The following GAB2 variants were observed in gnomAD, a reference collection of about 807,000 sequenced individuals.
GAB2 encodes the protein GRB2-associated-binding protein 2.
Under a neutral mutation model 65.5 loss-of-function variants are expected in GAB2, and 26 were observed. The ratio of observed to expected loss-of-function variants is 0.40; its 90% CI spans 0.29 to 0.55. GAB2 has a LOEUF of 0.55. Among genes scored for constraint, GAB2 ranks in the 20% least tolerant of loss-of-function variants. The pLI, the probability that GAB2 is intolerant of heterozygous loss-of-function variation, is 0.53. For missense variants in GAB2, 884 were observed against 875.8 expected, an observed-to-expected ratio of 1.01 and a Z score of -0.12; for synonymous variants, 321 against 329.6, an observed-to-expected ratio of 0.97 and a Z score of 0.28.
intron 1 of GAB2, among the ~76,000 whole-genome samples, chr11:78,360,087 G>A (rs575251619): frequency 1.3e-5 from 2 of 152,284 alleles, no homozygotes; most frequent in South Asian, 4.1e-4. Context: ...AGATTGGAGT[G>A]ATGCAACCAT....
chr11:78,358,942 A>G (rs57297764), intron 1 of GAB2, among the ~76,000 whole-genome samples: 8,963 of 152,254 alleles, frequency 0.059, 783 homozygotes, highest in African/African-American at 0.2. Flanking sequence ...TGAATGTCCA[A>G]AAATGAAAAT....
chr11:78,247,120 A>G (rs541386773), intron 3 of GAB2, among the ~76,000 whole-genome samples: 8 of 152,346 alleles, frequency 5.3e-5, no homozygotes, highest in African/African-American at 1.7e-4. Context: ...GCACTGTGCT[A>G]CTTTGTGATG....
At chr11:78,374,637 C>T (rs948926438) in intron 1 of GAB2, among the ~76,000 whole-genome samples, 9 of 152,172 alleles carry the variant, frequency 5.9e-5, no homozygotes, top group African/African-American at 2.2e-4. Context: ...AAGATGAATA[C>T]TATCCCTATC....
intron 1 of GAB2, among the ~76,000 whole-genome samples, chr11:78,353,259 G>A (rs1856307589): frequency 6.6e-6 from 1 of 152,150 alleles, no homozygotes; most frequent in Non-Finnish European, 1.5e-5. Context: ...TGGCCAACAT[G>A]GTGAAACCTC....
intron 1 of GAB2, among the ~76,000 whole-genome samples, chr11:78,311,338 T>C (rs1304280570): frequency 6.6e-6 from 1 of 152,116 alleles, no homozygotes; most frequent in Non-Finnish European, 1.5e-5. Flanking sequence ...GTTTCAATTA[T>C]AAAATGAAGA....
At chr11:78,294,812 T>C (rs1254038593) in intron 1 of GAB2, among the ~76,000 whole-genome samples, 2 of 152,134 alleles carry the variant, frequency 1.3e-5, no homozygotes, top group East Asian at 1.9e-4. Flanking sequence ...GCAATACCAT[T>C]CAGGACATAG....
chr11:78,295,019 C>T (rs971820308), intron 1 of GAB2, among the ~76,000 whole-genome samples: 1 of 152,120 alleles, frequency 6.6e-6, no homozygotes, highest in Non-Finnish European at 1.5e-5. Context: ...CCAGAATCTA[C>T]AATGAACTCA....
At chr11:78,275,563 A>G (rs1485355467) in intron 2 of GAB2, among the ~76,000 whole-genome samples, 7 of 152,210 alleles carry the variant, frequency 4.6e-5, no homozygotes. Context: ...CTTTTAACAT[A>G]CCAGATTCTC....
chr11:78,363,731 C>T lies in GAB2; in HGVS notation c.75+53915G>A, dbSNP rs935894566. The stretch of plus-strand genomic sequence containing the variant: ...TCCCAAGTAGTTGGGACTATAGGCA[C>T]GCACTACTATGACCCTGCTAATTTT... On this transcript the variant is annotated intron_variant, in intron 1 of 9. Transcript: ENST00000361507. Among the ~76,000 whole-genome samples, 23 of 151,922 alleles carry T rather than the reference C, an allele frequency of 1.5e-4. No individual in the cohort carries two copies. In the South Asian group the frequency reaches 1.7e-3, roughly 11 times the overall value.
At chr11:78,382,595 G>T (rs1015491998) in intron 1 of GAB2, among the ~76,000 whole-genome samples, 63 of 152,060 alleles carry the variant, frequency 4.1e-4, no homozygotes, top group African/African-American at 1.3e-3. Flanking sequence ...CAGCAGTTAG[G>T]TAAGTCTCTG....
chr11:78,334,721 C>A (rs1855971035), intron 1 of GAB2, among the ~76,000 whole-genome samples: 1 of 152,238 alleles, frequency 6.6e-6, no homozygotes, highest in Admixed American at 6.5e-5. Context: ...CATGGGAGTG[C>A]AGGTATCTCT....
intron 1 of GAB2, among the ~76,000 whole-genome samples, chr11:78,407,679 A>AAGAAAGAGATGGC (rs1555001716): frequency 3.3e-5 from 5 of 150,624 alleles, no homozygotes; most frequent in African/African-American, 9.9e-5. Flanking sequence ...GAAAGAAAGA[A>AAGAAAGAGATGGC]AGAAAGAAAG....
chr11:78,323,883 C>T (rs1196581227), intron 1 of GAB2, among the ~76,000 whole-genome samples: 3 of 150,254 alleles, frequency 2.0e-5, no homozygotes, highest in African/African-American at 7.4e-5. Context: ...CTGCAACCTC[C>T]GCCTCCCGGG....
chr11:78,372,728 G>A (rs563545578), intron 1 of GAB2, among the ~76,000 whole-genome samples: 1 of 152,202 alleles, frequency 6.6e-6, no homozygotes, highest in East Asian at 1.9e-4. Context: ...CAATGGATAC[G>A]AGAAGAAATC....
At chr11:78,356,566 A>T (rs1856362008) in intron 1 of GAB2, among the ~76,000 whole-genome samples, 1 of 152,218 alleles carries the variant, frequency 6.6e-6, no homozygotes, top group South Asian at 2.1e-4. Flanking sequence ...CACCTATAGT[A>T]GGTATAAGAC....
chr11:78,247,277 T>A (rs1398731508), intron 3 of GAB2, among the ~76,000 whole-genome samples: 1 of 152,132 alleles, frequency 6.6e-6, no homozygotes, highest in Non-Finnish European at 1.5e-5. Flanking sequence ...TTGTCCAGAG[T>A]TTTTAGTTGT....
chr11:78,347,267 T>C (rs575161380), intron 1 of GAB2, among the ~76,000 whole-genome samples: 1 of 152,166 alleles, frequency 6.6e-6, no homozygotes, highest in Non-Finnish European at 1.5e-5. Flanking sequence ...TGTGGCCAAC[T>C]TCATAAGGTT....
chr11:78,372,876 A>G (rs768277749), intron 1 of GAB2, among the ~76,000 whole-genome samples: 31 of 152,100 alleles, frequency 2.0e-4, no homozygotes, highest in Non-Finnish European at 3.5e-4. Context: ...TTTCCCCTTT[A>G]TCTTAAAAAT....
At chr11:78,403,407 T>C (rs111327737) in intron 1 of GAB2, among the ~76,000 whole-genome samples, 2,657 of 152,288 alleles carry the variant, frequency 0.017, 71 homozygotes, top group African/African-American at 0.061. Flanking sequence ...AAATGGACTA[T>C]AGTAAACAGA....
Sources: gnomAD v4.1 joint callset for allele counts (sites outside exome capture counted in the v4.1 genomes callset) on GRCh38, gnomAD v4.1.1 for gene constraint, MANE v1.5 for transcripts, NCBI Gene and HGNC (gene_info 2026-07-23, HGNC 2026-07-21) for gene names.